The following CYP2C18 variants were observed in gnomAD, a reference collection of about 807,000 sequenced individuals.
The protein encoded by CYP2C18 is cytochrome P450 family 2 subfamily C member 18, also known as cytochrome P450 2C18.
Under a neutral mutation model 41.3 loss-of-function variants are expected in CYP2C18, and 38 were observed. That is an observed-to-expected ratio of 0.92 (90% CI 0.71 to 1.21). The LOEUF is 1.21. Among genes scored for constraint, CYP2C18 ranks in the 50% most tolerant of loss-of-function variants. The pLI is 0.00. For synonymous variants in CYP2C18, 236 were observed against 210.0 expected (o/e 1.12, Z -1.07); for missense variants, 635 against 591.4 (o/e 1.07, Z -0.77).
At chr10:94,705,865 T>A (rs1847333779) in intron 4 of CYP2C18, among the ~76,000 whole-genome samples, 2 of 152,184 alleles carry the variant, frequency 1.3e-5, no homozygotes, top group Admixed American at 1.3e-4. Context: ...GCCCATTAGC[T>A]GGTGGTTTTT....
chr10:94,722,024 G>T (rs1354330379), intron 6 of CYP2C18, among the ~76,000 whole-genome samples: 1 of 152,172 alleles, frequency 6.6e-6, no homozygotes, highest in Non-Finnish European at 1.5e-5. Context: ...TAGATACCCA[G>T]TAGTGGGATT....
In CYP2C18 at chr10:94,683,843, G is replaced by A. The variant is rs1450257328; in HGVS notation, c.24G>A (p.Val8=). Residue 8 remains valine, a synonymous_variant, in exon 1 of 9, where the codon GTG becomes GTA. Coordinates refer to ENST00000285979, the MANE Select transcript of CYP2C18 (RefSeq NM_000772.3). MDPAVAL[V]LCLSCLFLLS... ...CAATGGATCCAGCTGTGGCTCTGGT[G>A]CTCTGTCTCTCCTGTTTGTTTCTCC... is the stretch of plus-strand genomic sequence containing the variant. 4.4e-6 allele frequency: 7 copies of A among 1,606,320 alleles called. No homozygotes were observed. Among genetic ancestry groups the A allele is most frequent in the Non-Finnish European group, 5.9e-6 (7 of 1,176,644 alleles).
Position 94,733,434 on chromosome 10 carries a change from A to T in CYP2C18, c.1287A>T (p.Ser429=), listed in dbSNP as rs754573382. ...FKKSDYFMPF[S]AGKRMCMGEG... ...AAAGTGACTACTTCATGCCTTTCTC[A>T]GCAGGTAATAGATATTCATTTCCAT... The change falls in exon 8 of 9, where the codon TCA becomes TCT. Residue 429 remains serine, a synonymous_variant. Coordinates refer to ENST00000285979, the MANE Select transcript of CYP2C18 (RefSeq NM_000772.3). 9 of 1,613,134 alleles carry T rather than the reference A, an allele frequency of 5.6e-6. No homozygotes were observed. Among genetic ancestry groups the T allele is most frequent in the Non-Finnish European group, 7.6e-6 (9 of 1,179,404 alleles).
chr10:94,722,772 G>A (rs1395885249), intron 6 of CYP2C18, among the ~76,000 whole-genome samples: 1 of 152,156 alleles, frequency 6.6e-6, no homozygotes, highest in African/African-American at 2.4e-5. Context: ...ATGGACAACA[G>A]ACAGAGACTG....
Position 94,723,401 on chromosome 10 carries a change from GTTGA to G in CYP2C18, c.962-938_962-935del, listed in dbSNP as rs1564647681. The stretch of plus-strand genomic sequence containing the variant: ...GGGAAGACATTAAGGGCAAAGAAAA[GTTGA>G]TTGATTATTTGATTATTTTTAGTGT... On this transcript the variant is annotated intron_variant, in intron 6 of 8. Transcript: ENST00000285979. Among the ~76,000 whole-genome samples, 3 of 152,190 alleles carry G rather than the reference GTTGA, an allele frequency of 2.0e-5. No individual in the cohort carries two copies. The South Asian group carries it at 6.2e-4, about 32-fold the overall frequency.
intron 4 of CYP2C18, among the ~76,000 whole-genome samples, chr10:94,699,288 A>G (rs995925057): frequency 6.6e-6 from 1 of 152,118 alleles, no homozygotes; most frequent in Admixed American, 6.5e-5. Context: ...ACTATGATGA[A>G]GTGGGCTTCA....
At position 94,733,575 on chromosome 10, in the gene CYP2C18, C is replaced by T. The variant is rs17110236; in HGVS notation, c.1291+137C>T. On this transcript the variant is annotated intron_variant, in intron 8 of 8. Coordinates refer to ENST00000285979, the MANE Select transcript of CYP2C18 (RefSeq NM_000772.3). ...ATTAGCACCATTCCCTATGCCCATG[C>T]GATTTCCCTGCTGATGAACATCCCC... The T allele has an allele frequency of 0.06, 88,207 of 1,460,336 alleles. 3,053 individuals carry two copies. The highest frequency in any genetic ancestry group is 0.11 in the South Asian group (7,559 of 68,784). The allele number at this position is 1,460,336 out of a possible 1,614,324, so 90.5% of individuals were successfully genotyped here. A position where few individuals can be genotyped will look rare whatever the true frequency, so the allele number is the denominator to read the frequency against.
At chr10:94,702,894 G>T (rs574816508) in intron 4 of CYP2C18, among the ~76,000 whole-genome samples, 31 of 152,190 alleles carry the variant, frequency 2.0e-4, no homozygotes, top group African/African-American at 7.5e-4. Context: ...CTTTGCTGTT[G>T]GTGACCTTCG....
intron 5 of CYP2C18, among the ~76,000 whole-genome samples, chr10:94,717,496 G>A (rs1004329691): frequency 3.3e-5 from 5 of 152,170 alleles, no homozygotes; most frequent in African/African-American, 9.7e-5. Flanking sequence ...CTTTAAGAAT[G>A]TTGAATATCG....
chr10:94,697,545 A>G (rs549978640), intron 4 of CYP2C18, among the ~76,000 whole-genome samples: 108 of 152,366 alleles, frequency 7.1e-4, no homozygotes, highest in African/African-American at 2.3e-3. Flanking sequence ...TGTAAAGACC[A>G]TCGAGGCTGG....
intron 5 of CYP2C18, among the ~76,000 whole-genome samples, chr10:94,714,630 C>A (rs1847506318): frequency 6.6e-6 from 1 of 152,148 alleles, no homozygotes; most frequent in African/African-American, 2.4e-5. Flanking sequence ...CAGCTTTGTT[C>A]TTTTGACTCA....
intron 1 of CYP2C18, among the ~76,000 whole-genome samples, chr10:94,685,076 G>C (rs931877598): frequency 6.6e-6 from 1 of 151,926 alleles, no homozygotes; most frequent in Admixed American, 6.6e-5. Context: ...TTGCTCTGTT[G>C]TAGGATGGAG....
At chr10:94,707,937 G>A (rs1356815254) in intron 5 of CYP2C18, among the ~76,000 whole-genome samples, 1 of 151,818 alleles carries the variant, frequency 6.6e-6, no homozygotes, top group Non-Finnish European at 1.5e-5. Flanking sequence ...AAACTGTGAG[G>A]AAGGTAATAT....
At chr10:94,718,538 C>G (rs917434546) in intron 5 of CYP2C18, among the ~76,000 whole-genome samples, 3 of 152,064 alleles carry the variant, frequency 2.0e-5, no homozygotes, top group Non-Finnish European at 4.4e-5. Context: ...TGGGAAAATC[C>G]TTCAACTTTC....
chr10:94,712,969 A>G (rs1370955295), intron 5 of CYP2C18, among the ~76,000 whole-genome samples: 5 of 152,038 alleles, frequency 3.3e-5, no homozygotes, highest in Admixed American at 1.3e-4. Context: ...GTATCTCTTA[A>G]TCATTTGTAT....
intron 7 of CYP2C18, 36 bp from the exon 8 acceptor site, chr10:94,733,261 C>T: frequency 6.3e-7 from 1 of 1,599,072 alleles, no homozygotes; most frequent in Non-Finnish European, 8.5e-7. Flanking sequence ...TCTTTGACTT[C>T]TTTATAACTT....
At chr10:94,686,817 G>T (rs1443126468) in intron 1 of CYP2C18, among the ~76,000 whole-genome samples, 1 of 152,176 alleles carries the variant, frequency 6.6e-6, no homozygotes. Context: ...ATAAAGGCCT[G>T]CTGCTTTCTT....
At chr10:94,708,089 CT>C (rs1847374217) in intron 5 of CYP2C18, among the ~76,000 whole-genome samples, 1 of 152,112 alleles carries the variant, frequency 6.6e-6, no homozygotes, top group African/African-American at 2.4e-5. Flanking sequence ...CTTTACAGCA[CT>C]AGGTGGAAAT....
At position 94,733,322 on chromosome 10, in the gene CYP2C18, C is replaced by T. The variant is rs2134212448; in HGVS notation, c.1175C>T (p.Thr392Ile). The change falls in exon 8 of 9, where the codon ACT becomes ATT. Residue 392 changes from threonine (T) to isoleucine (I), a missense_variant. Transcript: ENST00000285979. ...GGCACGACCATAATAACATCCCTGA[C>T]TTCTGTGCTGCACAATGACAAAGAA... ...PKGTTIITSL[T>I]SVLHNDKEFP... 1.2e-6 allele frequency: 2 copies of T among 1,613,250 alleles called. No homozygotes were observed. Among genetic ancestry groups the T allele is most frequent in the East Asian group, 4.5e-5 (2 of 44,830 alleles).
Sources: gnomAD v4.1 joint callset for allele counts (sites outside exome capture counted in the v4.1 genomes callset) on GRCh38, gnomAD v4.1.1 for gene constraint, MANE v1.5 for transcripts, NCBI Gene and HGNC (gene_info 2026-07-23, HGNC 2026-07-21) for gene names.